PTP4A3: variants seen among roughly 807,000 people sequenced by gnomAD.
The protein encoded by PTP4A3 is protein tyrosine phosphatase type IVA 3.
In PTP4A3, 9 loss-of-function variants were observed where a neutral mutation model predicts 15.2. The observed-to-expected ratio is 0.59, with a 90% CI of 0.36 to 1.03. The LOEUF (loss-of-function observed/expected upper bound fraction) is 1.03. Ranked by LOEUF, PTP4A3 falls within the 50% of genes least tolerant of loss-of-function variation. PTP4A3 has a pLI of 0.02. For missense variants in PTP4A3, 234 were observed against 252.1 expected (o/e 0.93, Z 0.49); for synonymous variants, 95 against 102.0 (o/e 0.93, Z 0.41).
rs751181173 is a variant in PTP4A3 at position 141,425,112 on chromosome 8, CGCT to C, written c.172_174del (p.Leu58del). ...TGTGAAGTGACCTATGACAAAACGC[CGCT>C]GGAGAAGGATGGCATCACCGTTGTG... is the stretch of plus-strand genomic sequence containing the variant. On this transcript the variant is annotated inframe_deletion, in exon 3 of 6. Transcript: ENST00000521578. The surrounding 1 kb of genome is among the most constrained non-coding windows in gnomAD (Gnocchi z 4.2). The C allele has an allele frequency of 6.5e-7, 1 of 1,548,208 alleles. No individual in the cohort carries two copies. Among genetic ancestry groups the C allele is most frequent in the Non-Finnish European group, 8.8e-7 (1 of 1,139,284 alleles).
chr8:141,420,524 G>A (rs1459743680), intron 1 of PTP4A3, among the ~76,000 whole-genome samples: 3 of 152,182 alleles, frequency 2.0e-5, no homozygotes, highest in Non-Finnish European at 4.4e-5. Context: ...TTGGGTTGCT[G>A]TGGCCCCCCC....
intron 1 of PTP4A3, among the ~76,000 whole-genome samples, chr8:141,402,609 G>T (rs975467206): frequency 6.6e-6 from 1 of 152,130 alleles, no homozygotes; most frequent in Admixed American, 6.5e-5. Flanking sequence ...TGGGTGGAGT[G>T]GGGGCAGGCA....
At chr8:141,429,037 G>GGCT (rs1247674479) in intron 5 of PTP4A3, among the ~76,000 whole-genome samples, 1 of 152,248 alleles carries the variant, frequency 6.6e-6, no homozygotes, top group African/African-American at 2.4e-5. Flanking sequence ...CCGCACCTGA[G>GGCT]GCTGCGCTGG....
At chr8:141,419,571 G>GTTTT (rs66940476) in intron 1 of PTP4A3, among the ~76,000 whole-genome samples, 13 of 132,160 alleles carry the variant, frequency 9.8e-5, no homozygotes, top group Non-Finnish European at 1.6e-4. Flanking sequence ...CCCACCACCG[G>GTTTT]TTTTTTTTTT....
chr8:141,392,720 C>T (rs921056418), intron 1 of PTP4A3: 3 of 152,264 alleles, frequency 2.0e-5, no homozygotes, highest in Non-Finnish European at 2.9e-5. Flanking sequence ...CTGACACGCC[C>T]CTGGGCAGCT....
chr8:141,424,297 A>T (rs780516587), intron 2 of PTP4A3, among the ~76,000 whole-genome samples: 1 of 152,136 alleles, frequency 6.6e-6, no homozygotes, highest in East Asian at 1.9e-4. Context: ...TGTGGAGTGG[A>T]TCCTCCGCAG....
chr8:141,412,495 C>G (rs1563730016), intron 1 of PTP4A3, among the ~76,000 whole-genome samples: 2 of 152,200 alleles, frequency 1.3e-5, no homozygotes. Context: ...GCCTGCCTGC[C>G]TAGTGCTGGC....
chr8:141,416,513 A>G (rs1007882220), intron 1 of PTP4A3, among the ~76,000 whole-genome samples: 2 of 152,002 alleles, frequency 1.3e-5, no homozygotes, highest in African/African-American at 2.4e-5. Flanking sequence ...CTTGCCTTCA[A>G]CCTTCAGGGA....
chr8:141,422,112 T>G lies in PTP4A3; in HGVS notation c.-129T>G. Reference sequence around the variant, plus strand: ...GGGTATGGGGGTGGGTTTTTAAATCTCGTTTCTCTTGGACAAGCACAGGGA... The same window carrying G: ...GGGTATGGGGGTGGGTTTTTAAATCGCGTTTCTCTTGGACAAGCACAGGGA... On this transcript the variant is annotated 5_prime_UTR_variant, in exon 2 of 6. Transcript: ENST00000521578. 1 of 874,860 alleles carries G rather than the reference T, an allele frequency of 1.1e-6. No homozygotes were observed. The highest frequency in any genetic ancestry group is 1.6e-5 in the South Asian group (1 of 61,292). The allele number at this position is 874,860 out of a possible 1,614,324, so 54.2% of individuals were successfully genotyped here. A position where few individuals can be genotyped will look rare whatever the true frequency, so the allele number is the denominator to read the frequency against.
At chr8:141,418,619 G>A (rs530053470) in intron 1 of PTP4A3, among the ~76,000 whole-genome samples, 2 of 152,326 alleles carry the variant, frequency 1.3e-5, no homozygotes, top group East Asian at 3.9e-4. Flanking sequence ...GGTTCTGCAG[G>A]GCTTGGTAGC....
rs201417569 is a variant in PTP4A3, at chr8:141,427,057, C to T, written c.317C>T (p.Ala106Val). 3.8e-6 allele frequency: 6 copies of T among 1,598,880 alleles called. No individual in the cohort carries two copies. The highest frequency in any genetic ancestry group is 2.2e-5 in the East Asian group (1 of 44,834). Residue 106 changes from alanine (A) to valine (V), a missense_variant, in exon 4 of 6, where the codon GCG becomes GTG. Coordinates refer to ENST00000521578, the MANE Select transcript of PTP4A3 (RefSeq NM_032611.3). ...PGSCVAVHCV[A>V]GLGRAPVLVA... is the part of the protein sequence containing the mutation. ...AGCTGCGTGGCTGTGCACTGCGTGG[C>T]GGGCCTGGGCCGGTGAGTGTCGGGG...
At position 141,422,192 on chromosome 8, in the gene PTP4A3, A is replaced by G; in HGVS notation, c.-49A>G. Reference sequence around the variant, plus strand: ...TGGGGACTTCTCAGGTCGTGTCCCCAGCCTTCTCTGCAGTCCCTTCTGCCC... The same window carrying G: ...TGGGGACTTCTCAGGTCGTGTCCCCGGCCTTCTCTGCAGTCCCTTCTGCCC... On this transcript the variant is annotated 5_prime_UTR_variant, in exon 2 of 6. Coordinates refer to ENST00000521578, the MANE Select transcript of PTP4A3 (RefSeq NM_032611.3). 6.3e-7 allele frequency: 1 copy of G among 1,592,564 alleles called. No homozygotes were observed. The highest frequency in any genetic ancestry group is 8.6e-7 in the Non-Finnish European group (1 of 1,162,400).
chr8:141,394,202 A>C (rs547162235), intron 1 of PTP4A3, among the ~76,000 whole-genome samples: 14 of 152,244 alleles, frequency 9.2e-5, no homozygotes, highest in African/African-American at 3.1e-4. Context: ...GTCCTGGCGA[A>C]AGGGTGAGTT....
intron 1 of PTP4A3, among the ~76,000 whole-genome samples, chr8:141,416,709 C>A (rs183576474): frequency 1.2e-3 from 183 of 152,220 alleles, no homozygotes; most frequent in Non-Finnish European, 2.2e-3. Flanking sequence ...TCCCATGGGG[C>A]CCTTCAGACT....
At chr8:141,415,417 G>C (rs1833000558) in intron 1 of PTP4A3, among the ~76,000 whole-genome samples, 1 of 151,314 alleles carries the variant, frequency 6.6e-6, no homozygotes, top group Non-Finnish European at 1.5e-5. Context: ...TGTCCCCCGT[G>C]GGCCCCAGAG....
intron 2 of PTP4A3, among the ~76,000 whole-genome samples, chr8:141,424,768 A>G (rs1334982710): frequency 6.6e-6 from 1 of 152,032 alleles, no homozygotes; most frequent in Non-Finnish European, 1.5e-5. Context: ...TACCTCGACC[A>G]GTAGTGGAGC....
chr8:141,422,340 A>G lies in PTP4A3; in HGVS notation c.100A>G (p.Ile34Val), dbSNP rs775183329. The G allele has an allele frequency of 2.5e-6, 4 of 1,613,268 alleles. No individual in the cohort carries two copies. Among genetic ancestry groups the G allele is most frequent in the Non-Finnish European group, 3.4e-6 (4 of 1,179,918 alleles). Reference protein sequence around the residue: ...NPTNATLSTFIEDLKKYGATT... With the variant: ...NPTNATLSTFVEDLKKYGATT... Reference sequence around the variant, plus strand: ...CACCAACGCCACGCTCAGCACCTTCATTGAGGTGAGTGGAGACGGAGGTGT... The same window carrying G: ...CACCAACGCCACGCTCAGCACCTTCGTTGAGGTGAGTGGAGACGGAGGTGT... The change falls in exon 2 of 6, where the codon ATT becomes GTT. Residue 34 changes from isoleucine to valine, a missense_variant. Transcript: ENST00000521578.
intron 1 of PTP4A3, among the ~76,000 whole-genome samples, chr8:141,416,807 G>A (rs1269044439): frequency 1.3e-5 from 2 of 152,132 alleles, no homozygotes; most frequent in Non-Finnish European, 2.9e-5. Flanking sequence ...AGCTGGGCCA[G>A]GCTGATGGTG....
intron 1 of PTP4A3, among the ~76,000 whole-genome samples, chr8:141,399,383 C>A (rs1310847963): frequency 6.6e-6 from 1 of 152,100 alleles, no homozygotes; most frequent in Non-Finnish European, 1.5e-5. Flanking sequence ...GGCCAGCTGC[C>A]CAGAGGCCCA....
Sources: gnomAD v4.1 joint callset for allele counts (sites outside exome capture counted in the v4.1 genomes callset) on GRCh38, gnomAD v4.1.1 for gene constraint, Gnocchi (gnomAD v3.1) non-coding constraint, MANE v1.5 for transcripts, NCBI Gene and HGNC (gene_info 2026-07-23, HGNC 2026-07-21) for gene names.